KIFAP3: variants seen among roughly 807,000 people sequenced by gnomAD.
KIFAP3 encodes kinesin associated protein 3.
A neutral mutation model predicts 106.5 loss-of-function variants in KIFAP3; 68 were observed. The ratio of observed to expected loss-of-function variants is 0.64; its 90% CI spans 0.53 to 0.78. The LOEUF (loss-of-function observed/expected upper bound fraction) is 0.78, where lower values mean the gene tolerates loss of function less well. Among genes scored for constraint, KIFAP3 ranks in the 30% least tolerant of loss-of-function variants. The pLI, the probability that KIFAP3 is intolerant of heterozygous loss-of-function variation, is 0.00. For missense variants in KIFAP3, 780 were observed against 941.8 expected, an observed-to-expected ratio of 0.83 and a Z score of 2.25; for synonymous variants, 320 against 311.5, an observed-to-expected ratio of 1.03 and a Z score of -0.29.
chr1:169,955,530 G>A (rs577186452), intron 18 of KIFAP3, among the ~76,000 whole-genome samples: 2 of 152,152 alleles, frequency 1.3e-5, no homozygotes, highest in South Asian at 2.1e-4. Context: ...GTTAAATGAC[G>A]AAATCTGTTT....
intron 19 of KIFAP3, among the ~76,000 whole-genome samples, chr1:169,951,106 A>G (rs1664704895): frequency 6.6e-6 from 1 of 151,908 alleles, no homozygotes; most frequent in East Asian, 1.9e-4. Context: ...ATCTTTGGCT[A>G]TATTGTGTAA....
chr1:170,008,214 G>C lies in KIFAP3; in HGVS notation c.1183+8248C>G, dbSNP rs190975932. ...CGTTCAGGACATAGACATGGGCAAA[G>C]ACTTTATGACTAAAACACCAAAAGC... On this transcript the variant is annotated intron_variant, in intron 10 of 19. Transcript: ENST00000361580. Among the ~76,000 whole-genome samples the C allele has an allele frequency of 1.3e-5, 2 of 151,610 alleles. 1 individual carries two copies. Among genetic ancestry groups the C allele is most frequent in the South Asian group, 4.3e-4 (2 of 4,702 alleles).
Position 169,942,910 on chromosome 1 carries a change from G to A in KIFAP3, c.2273+11101C>T, listed in dbSNP as rs185494050. Among the ~76,000 whole-genome samples, 24 of 105,890 alleles carry A rather than the reference G, an allele frequency of 2.3e-4. No individual in the cohort carries two copies. The East Asian group carries it at 4.3e-3, about 19-fold the overall frequency. The allele number at this position is 105,890 out of a possible 152,430, so 69.5% of individuals were successfully genotyped here. ...TACTTCCGTAAGCAGTTTTAAAGAC[G>A]CCCCCCCCCACCCCTTTAAAAAACA... On this transcript the variant is annotated intron_variant, in intron 19 of 19. Transcript: ENST00000361580.
intron 7 of KIFAP3, 32 bp downstream of exon 7, chr1:170,034,340 C>T: frequency 6.3e-7 from 1 of 1,587,624 alleles, no homozygotes; most frequent in Non-Finnish European, 8.5e-7. Context: ...CAAAAGACAA[C>T]AGACGGTTCA....
chr1:170,058,723 G>T (rs759172975), intron 1 of KIFAP3, among the ~76,000 whole-genome samples: 2 of 151,900 alleles, frequency 1.3e-5, no homozygotes, highest in Non-Finnish European at 2.9e-5. Context: ...TAAATCAGAT[G>T]GGCTGAGGCG....
chr1:170,012,702 T>C (rs1284419136), intron 10 of KIFAP3, among the ~76,000 whole-genome samples: 1 of 152,000 alleles, frequency 6.6e-6, no homozygotes, highest in East Asian at 1.9e-4. Flanking sequence ...TTGGTGCCTG[T>C]GACAGTCTGT....
At position 169,981,988 on chromosome 1, in the gene KIFAP3, G is replaced by A. The variant is rs1666548649; in HGVS notation, c.1782C>T (p.Leu594=). The A allele has an allele frequency of 6.2e-7, 1 of 1,611,646 alleles. No individual in the cohort carries two copies. The highest frequency in any genetic ancestry group is 8.5e-7 in the Non-Finnish European group (1 of 1,178,442). ...LLAKSGIIPA[L]IELLNAQQED... ...GTTATTTACCATTTAGCAATTCAAT[G>A]AGTGCAGGGATTATGCCAGATTTGG... is the stretch of plus-strand genomic sequence containing the variant. The change falls in exon 15 of 20, where the codon CTC becomes CTT. Residue 594 remains leucine, a synonymous_variant. Transcript: ENST00000361580.
At chr1:170,035,108 T>C (rs1359242574) in intron 6 of KIFAP3, among the ~76,000 whole-genome samples, 1 of 151,968 alleles carries the variant, frequency 6.6e-6, no homozygotes, top group Non-Finnish European at 1.5e-5. Flanking sequence ...CATGCATATA[T>C]ATAACAATAA....
chr1:170,025,766 A>G (rs917227937), intron 8 of KIFAP3, among the ~76,000 whole-genome samples: 4 of 152,194 alleles, frequency 2.6e-5, no homozygotes, highest in East Asian at 1.9e-4. Context: ...ATATATTTAC[A>G]CTATTACATT....
chr1:170,063,639 G>T (rs1451933462), intron 1 of KIFAP3, among the ~76,000 whole-genome samples: 1 of 152,094 alleles, frequency 6.6e-6, no homozygotes, highest in African/African-American at 2.4e-5. Context: ...TCTGTAGTGG[G>T]CAAGAATAAC....
chr1:170,004,549 G>A (rs1406307142), intron 10 of KIFAP3, among the ~76,000 whole-genome samples: 1 of 151,958 alleles, frequency 6.6e-6, no homozygotes, highest in East Asian at 1.9e-4. Context: ...CAGAAATAAT[G>A]CCGCATATCT....
intron 9 of KIFAP3, among the ~76,000 whole-genome samples, chr1:170,022,203 C>T (rs1235947080): frequency 6.6e-6 from 1 of 151,838 alleles, no homozygotes; most frequent in Non-Finnish European, 1.5e-5. Flanking sequence ...TCTGCCTTGG[C>T]CTCCCAAAGT....
At chr1:169,991,241 G>T (rs139973297) in intron 11 of KIFAP3, among the ~76,000 whole-genome samples, 1 of 152,036 alleles carries the variant, frequency 6.6e-6, no homozygotes, top group African/African-American at 2.4e-5. Flanking sequence ...TAGCTACCCA[G>T]GAGGCTGAGG....
chr1:169,962,271 G>GT (rs1665379426), intron 17 of KIFAP3, among the ~76,000 whole-genome samples: 1 of 152,082 alleles, frequency 6.6e-6, no homozygotes, highest in South Asian at 2.1e-4. Flanking sequence ...ACTGACAGGT[G>GT]TATCTGTAAC....
At chr1:169,969,948 G>C (rs1665819622) in intron 17 of KIFAP3, among the ~76,000 whole-genome samples, 1 of 151,994 alleles carries the variant, frequency 6.6e-6, no homozygotes, top group South Asian at 2.1e-4. Flanking sequence ...TAATAAACAT[G>C]TATTAAATGT....
At chr1:170,014,972 C>T (rs901725314) in intron 10 of KIFAP3, among the ~76,000 whole-genome samples, 2 of 151,896 alleles carry the variant, frequency 1.3e-5, no homozygotes, top group Non-Finnish European at 2.9e-5. Context: ...CATAACTTGC[C>T]CAAGGTCACA....
intron 19 of KIFAP3, among the ~76,000 whole-genome samples, chr1:169,922,419 C>A (rs1266021441): frequency 1.3e-5 from 2 of 152,094 alleles, no homozygotes; most frequent in African/African-American, 2.4e-5. Context: ...TGAGTGACAG[C>A]AAGACAATTA....
chr1:170,043,619 G>A (rs1005664030), intron 3 of KIFAP3, among the ~76,000 whole-genome samples: 3 of 152,142 alleles, frequency 2.0e-5, no homozygotes, highest in African/African-American at 7.2e-5. Context: ...AGTTAACAAG[G>A]GAATGGTGAA....
At chr1:170,035,971 A>C (rs1319909296) in intron 5 of KIFAP3, among the ~76,000 whole-genome samples, 1 of 152,020 alleles carries the variant, frequency 6.6e-6, no homozygotes, top group Non-Finnish European at 1.5e-5. Flanking sequence ...TCTAGAAAAA[A>C]ATGAGCAGGT....
Sources: gnomAD v4.1 joint callset for allele counts (sites outside exome capture counted in the v4.1 genomes callset) on GRCh38, gnomAD v4.1.1 for gene constraint, MANE v1.5 for transcripts, NCBI Gene and HGNC (gene_info 2026-07-23, HGNC 2026-07-21) for gene names.